RORA: variants seen among roughly 807,000 people sequenced by gnomAD.
RORA encodes nuclear receptor ROR-alpha.
A neutral mutation model predicts 69.5 loss-of-function variants in RORA; 7 were observed. The observed-to-expected ratio is 0.10, with a 90% CI of 0.06 to 0.19. The LOEUF (loss-of-function observed/expected upper bound fraction) is 0.19. Ranked by LOEUF, RORA falls within the 10% of genes least tolerant of loss-of-function variation. The pLI is 1.00. For synonymous variants in RORA, 261 were observed against 240.8 expected (o/e 1.08, Z -0.78); for missense variants, 457 against 663.0 (o/e 0.69, Z 3.41).
chr15:60,989,574 G>T, intron 1 of RORA, among the ~76,000 whole-genome samples: 1 of 152,188 alleles, frequency 6.6e-6, no homozygotes, highest in East Asian at 1.9e-4. Context: ...ATATACTCAA[G>T]AGTGGAATTG....
At chr15:60,962,549 G>T (rs190057200) in intron 1 of RORA, among the ~76,000 whole-genome samples, 26 of 152,320 alleles carry the variant, frequency 1.7e-4, no homozygotes, top group African/African-American at 6.3e-4. Context: ...GCCACTTAGA[G>T]TTCTAGTCGA....
At chr15:61,139,272 A>T (rs2079274975) in intron 1 of RORA, among the ~76,000 whole-genome samples, 1 of 152,228 alleles carries the variant, frequency 6.6e-6, no homozygotes, top group African/African-American at 2.4e-5. Flanking sequence ...AACTGACCAC[A>T]GAAATATTTT....
intron 2 of RORA, among the ~76,000 whole-genome samples, chr15:60,597,881 C>T (rs1425912031): frequency 2.0e-5 from 3 of 151,438 alleles, no homozygotes; most frequent in Admixed American, 6.6e-5. Flanking sequence ...TTTTCGGGAA[C>T]ACTTTCTTCC....
At position 60,678,511 on chromosome 15, in the gene RORA, C is replaced by A. The variant is rs867180508; in HGVS notation, c.196+146G>T. On this transcript the variant is annotated intron_variant, in intron 2 of 10. Transcript: ENST00000335670. ...ACAGGTGGAGATGTGCCACTTCCGA[C>A]CACTACAGATTGAAAAAAAATGACC... 1.2e-5 allele frequency: 8 copies of A among 679,038 alleles called. No individual in the cohort carries two copies. The African/African-American group carries it at 1.2e-4, about 11-fold the overall frequency. 42.1% of individuals were successfully genotyped at this position (679,038 alleles called of 1,614,324 possible).
At chr15:60,827,484 G>A (rs2140386566) in intron 1 of RORA, among the ~76,000 whole-genome samples, 1 of 152,306 alleles carries the variant, frequency 6.6e-6, no homozygotes. Flanking sequence ...GTTCCCAGAG[G>A]ACAGTCTGAA....
intron 2 of RORA, among the ~76,000 whole-genome samples, chr15:60,653,200 A>G (rs1247676989): frequency 1.3e-5 from 2 of 152,086 alleles, no homozygotes; most frequent in Non-Finnish European, 2.9e-5. Flanking sequence ...CAAAGCCCAA[A>G]CCCTTATTAG....
At chr15:60,948,706 T>C (rs1056578332) in intron 1 of RORA, among the ~76,000 whole-genome samples, 4 of 152,188 alleles carry the variant, frequency 2.6e-5, no homozygotes, top group Non-Finnish European at 5.9e-5. Flanking sequence ...AAGAACAAGG[T>C]CACACATTTG....
chr15:60,719,555 C>G (rs1206266581), intron 1 of RORA, among the ~76,000 whole-genome samples: 1 of 152,052 alleles, frequency 6.6e-6, no homozygotes. Flanking sequence ...GTGCAAAAAC[C>G]CGAGAGCAGT....
chr15:61,054,446 C>G (rs118141855), intron 1 of RORA, among the ~76,000 whole-genome samples: 1,638 of 152,122 alleles, frequency 0.011, 14 homozygotes, highest in Non-Finnish European at 0.018. Context: ...AATCAGAGGA[C>G]AGCAGGAATA....
chr15:60,673,576 G>T (rs2070507810), intron 2 of RORA, among the ~76,000 whole-genome samples: 2 of 152,188 alleles, frequency 1.3e-5, no homozygotes, highest in South Asian at 4.1e-4. Context: ...GCTATTTTAT[G>T]CTTGGATCAC....
At chr15:60,828,624 A>G (rs2072997942) in intron 1 of RORA, among the ~76,000 whole-genome samples, 1 of 152,196 alleles carries the variant, frequency 6.6e-6, no homozygotes, top group Non-Finnish European at 1.5e-5. Flanking sequence ...GTGACCCTCA[A>G]AGAGAAAGCT....
chr15:60,591,719 G>A (rs2068518322), intron 2 of RORA, among the ~76,000 whole-genome samples: 1 of 152,084 alleles, frequency 6.6e-6, no homozygotes, highest in African/African-American at 2.4e-5. Flanking sequence ...GCGGCTCCCT[G>A]GGCCGCCCAG....
rs562310258 is a variant in RORA at position 60,532,766 on chromosome 15, T to C, written c.197-915A>G. 2.6e-5 allele frequency among the ~76,000 whole-genome samples: 4 copies of C among 152,342 alleles called. No homozygotes were observed. In the South Asian group the frequency reaches 6.2e-4, roughly 24 times the overall value. On this transcript the variant is annotated intron_variant, in intron 2 of 10. Transcript: ENST00000335670. ...AAATAAAGACCAATGCTGAGCTGTA[T>C]AGACAGGATGGGAACAGTCACCAGT...
intron 2 of RORA, among the ~76,000 whole-genome samples, chr15:60,605,473 C>T (rs1404692166): frequency 1.3e-5 from 2 of 152,114 alleles, no homozygotes; most frequent in African/African-American, 4.8e-5. Context: ...ACAACTAAGG[C>T]TAACAACATA....
intron 1 of RORA, among the ~76,000 whole-genome samples, chr15:61,157,606 T>C (rs763998848): frequency 4.6e-5 from 7 of 152,094 alleles, no homozygotes; most frequent in African/African-American, 1.7e-4. Context: ...CTCCTCACCA[T>C]GTGCTGGCAC....
chr15:61,095,556 G>T (rs1013652380), intron 1 of RORA, among the ~76,000 whole-genome samples: 4 of 152,196 alleles, frequency 2.6e-5, no homozygotes, highest in Non-Finnish European at 5.9e-5. Context: ...GCTGGGCCCT[G>T]GTGACAAATG....
intron 1 of RORA, among the ~76,000 whole-genome samples, chr15:61,015,095 A>G (rs905737949): frequency 7.9e-5 from 12 of 152,200 alleles, no homozygotes; most frequent in African/African-American, 2.9e-4. Context: ...ATTAATTACC[A>G]TCAGCAAGAG....
At chr15:60,733,524 AT>A (rs1411811442) in intron 1 of RORA, among the ~76,000 whole-genome samples, 2 of 152,206 alleles carry the variant, frequency 1.3e-5, no homozygotes, top group African/African-American at 4.8e-5. Context: ...AAATGCAAAT[AT>A]TAATGTTGTC....
chr15:60,851,197 A>T (rs1567213769), intron 1 of RORA, among the ~76,000 whole-genome samples: 1 of 152,214 alleles, frequency 6.6e-6, no homozygotes, highest in Non-Finnish European at 1.5e-5. Context: ...AATCCTTGAC[A>T]TGGCTACACG....
Sources: gnomAD v4.1 joint callset for allele counts (sites outside exome capture counted in the v4.1 genomes callset) on GRCh38, gnomAD v4.1.1 for gene constraint, MANE v1.5 for transcripts, NCBI Gene and HGNC (gene_info 2026-07-23, HGNC 2026-07-21) for gene names.